Variants in SLC25A19 observed in about 807,000 individuals in gnomAD.
The protein encoded by SLC25A19 is solute carrier family 25 member 19.
In SLC25A19, 18 loss-of-function variants were observed where a neutral mutation model predicts 27.9. The ratio of observed to expected loss-of-function variants is 0.64; its 90% confidence interval spans 0.45 to 0.96. The LOEUF is 0.96. Among genes scored for constraint, SLC25A19 ranks in the 40% least tolerant of loss-of-function variants. The pLI is 0.00. For synonymous variants in SLC25A19, 169 were observed against 167.1 expected, an observed-to-expected ratio of 1.01 and a Z score of -0.09; for missense variants, 371 against 418.3, an observed-to-expected ratio of 0.89 and a Z score of 0.99.
rs115213905 is a variant in SLC25A19 at position 75,284,050 on chromosome 17, C to G, written c.289-457G>C. ...AATCACTTGAACCCGGGAGGCAGAGCTGCACTGAGCCAAGATCATGCCACT... is the reference window on the plus strand; with the variant it reads ...AATCACTTGAACCCGGGAGGCAGAGGTGCACTGAGCCAAGATCATGCCACT... On this transcript the variant is annotated intron_variant, in intron 4 of 7. Coordinates refer to ENST00000416858, the MANE Select transcript of SLC25A19 (RefSeq NM_001126121.2). Among the ~76,000 whole-genome samples, 662 of 149,180 alleles carry G rather than the reference C, an allele frequency of 4.4e-3. 6 individuals carry two copies. Among genetic ancestry groups the G allele is most frequent in the African/African-American group, 0.016 (625 of 40,276 alleles).
At chr17:75,284,597 T>C (rs1472257552) in intron 4 of SLC25A19, among the ~76,000 whole-genome samples, 2 of 151,638 alleles carry the variant, frequency 1.3e-5, no homozygotes, top group Non-Finnish European at 2.9e-5. Context: ...TTTGGGAGCA[T>C]GTTCCACAGG....
chr17:75,273,258 C>T lies in SLC25A19; in HGVS notation c.*193G>A. The T allele has an allele frequency of 1.6e-6, 1 of 615,452 alleles. No individual in the cohort carries two copies. The highest frequency in any genetic ancestry group is 2.9e-6 in the Non-Finnish European group (1 of 349,990). The allele number at this position is 615,452 out of a possible 1,614,324, so 38.1% of individuals were successfully genotyped here. A position where few individuals can be genotyped will look rare whatever the true frequency, so the allele number is the denominator to read the frequency against. On this transcript the variant is annotated 3_prime_UTR_variant, in exon 8 of 8. Coordinates refer to ENST00000416858, the MANE Select transcript of SLC25A19 (RefSeq NM_001126121.2). ...TTGGCTCACCATAGACCACGTCCTG[C>T]ATTCCCTCTGATTCTCTCATGGGGA...
intron 5 of SLC25A19, 107 bp downstream of exon 5, chr17:75,283,311 AAACAG>A (rs1330337289): frequency 1.6e-6 from 2 of 1,237,180 alleles, no homozygotes; most frequent in Non-Finnish European, 2.2e-6. Flanking sequence ...AAACAAAACA[AAACAG>A]AACAAAACAA....
At chr17:75,275,461 C>T (rs1335574428) in intron 7 of SLC25A19, among the ~76,000 whole-genome samples, 3 of 152,064 alleles carry the variant, frequency 2.0e-5, no homozygotes, top group Admixed American at 6.6e-5. Flanking sequence ...CATATTTTTT[C>T]ACACCTCCGC....
chr17:75,278,034 G>C, intron 6 of SLC25A19, 118 bp downstream of exon 6: 3 of 1,099,802 alleles, frequency 2.7e-6, no homozygotes, highest in Non-Finnish European at 4.1e-6. Context: ...ACAGAGCCAG[G>C]TACAGAGACC....
intron 4 of SLC25A19, among the ~76,000 whole-genome samples, chr17:75,284,645 T>A (rs1326539110): frequency 4.2e-4 from 63 of 149,842 alleles, no homozygotes; most frequent in African/African-American, 1.5e-3. Context: ...TTTTTTTTTT[T>A]TTTTTTTTTT....
intron 5 of SLC25A19, among the ~76,000 whole-genome samples, chr17:75,280,137 C>A (rs1380101601): frequency 6.6e-6 from 1 of 151,964 alleles, no homozygotes; most frequent in Non-Finnish European, 1.5e-5. Context: ...GAAGCCAAGG[C>A]AGGAGGATCA....
chr17:75,278,147 C>T lies in SLC25A19; in HGVS notation c.643+5G>A. On this transcript the variant is annotated splice_donor_5th_base_variant and intron_variant, in intron 6 of 7. Transcript: ENST00000416858. The stretch of plus-strand genomic sequence containing the variant: ...GGGCTCCCTCTCGTGTGAGGGCTGC[C>T]TCACCATTTTTCTTTCCTTCGGCTG... The T allele has an allele frequency of 1.2e-6, 2 of 1,613,152 alleles. No homozygotes were observed. Among genetic ancestry groups the T allele is most frequent in the Non-Finnish European group, 1.7e-6 (2 of 1,179,976 alleles).
At chr17:75,282,841 A>G (rs1415397154) in intron 5 of SLC25A19, among the ~76,000 whole-genome samples, 1 of 151,420 alleles carries the variant, frequency 6.6e-6, no homozygotes, top group Non-Finnish European at 1.5e-5. Context: ...ACAGAGTGAG[A>G]CTCTGTCTCA....
chr17:75,282,263 T>A (rs1232428916), intron 5 of SLC25A19, among the ~76,000 whole-genome samples: 1 of 146,100 alleles, frequency 6.8e-6, no homozygotes, highest in South Asian at 2.2e-4. Context: ...AAAAAATATA[T>A]ATATAGGCCA....
chr17:75,275,055 C>G (rs2077842976), intron 7 of SLC25A19, among the ~76,000 whole-genome samples: 1 of 120,038 alleles, frequency 8.3e-6, no homozygotes, highest in Non-Finnish European at 1.6e-5. Flanking sequence ...GTAGTGTGAT[C>G]ATAGCTCACT....
At position 75,273,336 on chromosome 17, in the gene SLC25A19, C is replaced by A; in HGVS notation, c.*115G>T. 8.1e-7 allele frequency: 1 copy of A among 1,238,798 alleles called. No individual in the cohort carries two copies. Among genetic ancestry groups the A allele is most frequent in the Non-Finnish European group, 1.1e-6 (1 of 879,036 alleles). The allele number at this position is 1,238,798 out of a possible 1,614,324, so 76.7% of individuals were successfully genotyped here. Reference sequence around the variant, plus strand: ...AGCTGGGTGGGTTCAAGGCTGCTACCCCGCTTGGGGCAGCTGGCCTGCAGG... The same window carrying A: ...AGCTGGGTGGGTTCAAGGCTGCTACACCGCTTGGGGCAGCTGGCCTGCAGG... On this transcript the variant is annotated 3_prime_UTR_variant, in exon 8 of 8. Coordinates refer to ENST00000416858, the MANE Select transcript of SLC25A19 (RefSeq NM_001126121.2).
chr17:75,278,337 T>C lies in SLC25A19; in HGVS notation c.460-2A>G. 1 of 1,614,098 alleles carries C rather than the reference T, an allele frequency of 6.2e-7. No homozygotes were observed. The highest frequency in any genetic ancestry group is 8.5e-7 in the Non-Finnish European group (1 of 1,180,000). Reference sequence around the variant, plus strand: ...GGCGTGGCGCAGCGTATTATAGACCTGGACACACACACGCACTTTGAATGA... The same window carrying C: ...GGCGTGGCGCAGCGTATTATAGACCCGGACACACACACGCACTTTGAATGA... On this transcript the variant is annotated splice_acceptor_variant, in intron 5 of 7. Coordinates refer to ENST00000416858, the MANE Select transcript of SLC25A19 (RefSeq NM_001126121.2). LOFTEE classifies it high-confidence loss of function.
At chr17:75,281,842 A>G (rs2078045920) in intron 5 of SLC25A19, among the ~76,000 whole-genome samples, 1 of 152,192 alleles carries the variant, frequency 6.6e-6, no homozygotes, top group Non-Finnish European at 1.5e-5. Context: ...TCTTCCAGGG[A>G]GGCTGTGAGC....
chr17:75,279,706 A>G (rs912679106), intron 5 of SLC25A19, among the ~76,000 whole-genome samples: 1 of 151,846 alleles, frequency 6.6e-6, no homozygotes, highest in African/African-American at 2.4e-5. Flanking sequence ...ACGGGGTTTC[A>G]TCATGTTGGC....
At position 75,283,326 on chromosome 17, in the gene SLC25A19, AAAATAAAT is replaced by A. The variant is rs922284797; in HGVS notation, c.459+89_459+96del. 2.1e-5 allele frequency: 27 copies of A among 1,312,352 alleles called. No individual in the cohort carries two copies. The East Asian group carries it at 5.3e-4, about 26-fold the overall frequency. 81.3% of individuals were successfully genotyped at this position (1,312,352 alleles called of 1,614,324 possible). ...AAACAAAACAAAACAGAACAAAACA[AAAATAAAT>A]AAATAAATAAATAAAAAATAAAGAA... is the stretch of plus-strand genomic sequence containing the variant. On this transcript the variant is annotated intron_variant, in intron 5 of 7. Coordinates refer to ENST00000416858, the MANE Select transcript of SLC25A19 (RefSeq NM_001126121.2).
Position 75,283,422 on chromosome 17 carries a change from C to G in SLC25A19, c.459+1G>C. 3 of 1,611,832 alleles carry G rather than the reference C, an allele frequency of 1.9e-6. No individual in the cohort carries two copies. Among genetic ancestry groups the G allele is most frequent in the Non-Finnish European group, 2.5e-6 (3 of 1,179,752 alleles). ...CCCCGGTCTGGCTCCTGGCCACTCA[C>G]CTTGGGCTCACCCTGAGCTGCAAAG... is the stretch of plus-strand genomic sequence containing the variant. On this transcript the variant is annotated splice_donor_variant, in intron 5 of 7. Transcript: ENST00000416858. LOFTEE classifies it high-confidence loss of function.
chr17:75,277,523 A>T, intron 6 of SLC25A19, 40 bp from the exon 7 acceptor site: 2 of 1,611,936 alleles, frequency 1.2e-6, no homozygotes, highest in Non-Finnish European at 8.5e-7. Context: ...GGATGAGAGA[A>T]ATGCAGTCTA....
intron 2 of SLC25A19, among the ~76,000 whole-genome samples, chr17:75,287,966 A>T (rs186481215): frequency 3.6e-3 from 541 of 152,082 alleles, no homozygotes; most frequent in Non-Finnish European, 5.4e-3. Flanking sequence ...CAACATGGTG[A>T]AACCCTGTCT....
Sources: gnomAD v4.1 joint callset for allele counts (sites outside exome capture counted in the v4.1 genomes callset) on GRCh38, gnomAD v4.1.1 for gene constraint, MANE v1.5 for transcripts, NCBI Gene and HGNC (gene_info 2026-07-23, HGNC 2026-07-21) for gene names.